The following BACH2 variants were observed in gnomAD, a reference collection of about 807,000 sequenced individuals.
BACH2 encodes BACH transcriptional regulator 2, also known as transcription regulator protein BACH2.
In BACH2, 5 loss-of-function variants were observed where a neutral mutation model predicts 61.8. That is an observed-to-expected ratio of 0.08 (90% CI 0.04 to 0.17). The LOEUF (loss-of-function observed/expected upper bound fraction) is 0.17, where lower values mean the gene tolerates loss of function less well. Ranked by LOEUF, BACH2 falls within the 10% of genes least tolerant of loss-of-function variation. BACH2 has a pLI of 1.00. For missense variants in BACH2, 824 were observed against 1,091.1 expected, an observed-to-expected ratio of 0.76 and a Z score of 3.45; for synonymous variants, 446 against 440.1, an observed-to-expected ratio of 1.01 and a Z score of -0.17.
chr6:90,265,122 A>G (rs1380086758), intron 2 of BACH2, among the ~76,000 whole-genome samples: 1 of 152,220 alleles, frequency 6.6e-6, no homozygotes, highest in Non-Finnish European at 1.5e-5. Flanking sequence ...TCCTTTAATT[A>G]TATCAGCCAT....
At chr6:90,059,280 A>C (rs1187175791) in intron 5 of BACH2, among the ~76,000 whole-genome samples, 32 of 152,394 alleles carry the variant, frequency 2.1e-4, no homozygotes, top group Middle Eastern at 3.4e-3. Context: ...ATTTACAAGA[A>C]AAAAACAAAC....
At chr6:90,266,830 A>C (rs1771348580) in intron 2 of BACH2, among the ~76,000 whole-genome samples, 1 of 152,152 alleles carries the variant, frequency 6.6e-6, no homozygotes, top group South Asian at 2.1e-4. Flanking sequence ...AACTGGATAG[A>C]GGTCCCAGTC....
At chr6:90,034,762 C>T (rs371245593) in intron 5 of BACH2, among the ~76,000 whole-genome samples, 1 of 152,160 alleles carries the variant, frequency 6.6e-6, no homozygotes, top group African/African-American at 2.4e-5. Context: ...TCTTTGAGCA[C>T]CAAAGATAAC....
intron 1 of BACH2, among the ~76,000 whole-genome samples, chr6:90,291,787 AT>A (rs1772187862): frequency 6.6e-6 from 1 of 152,130 alleles, no homozygotes; most frequent in South Asian, 2.1e-4. Context: ...TACAGAAGCG[AT>A]TTTCCGTCAT....
chr6:90,013,599 T>C (rs537884554), intron 5 of BACH2, among the ~76,000 whole-genome samples: 43 of 151,166 alleles, frequency 2.8e-4, no homozygotes, highest in Non-Finnish European at 4.4e-4. Flanking sequence ...CTCTGCCTCC[T>C]GGGTTCACGC....
intron 5 of BACH2, chr6:90,062,952 T>C: frequency 1.0e-6 from 1 of 984,886 alleles, no homozygotes; most frequent in Non-Finnish European, 1.2e-6. Context: ...ACTTGCGTTT[T>C]TCTTCTTTTA....
At chr6:90,132,855 C>T (rs1784123264) in intron 4 of BACH2, among the ~76,000 whole-genome samples, 1 of 152,172 alleles carries the variant, frequency 6.6e-6, no homozygotes, top group South Asian at 2.1e-4. Context: ...GAGCCCTGCA[C>T]TGTACCCACT....
At chr6:90,077,363 C>G (rs1781517526) in intron 5 of BACH2, among the ~76,000 whole-genome samples, 1 of 152,136 alleles carries the variant, frequency 6.6e-6, no homozygotes, top group Admixed American at 6.6e-5. Flanking sequence ...TTGAAAGTCA[C>G]CTAGAATGAT....
chr6:90,223,456 A>C (rs749452603), intron 3 of BACH2, among the ~76,000 whole-genome samples: 1 of 152,138 alleles, frequency 6.6e-6, no homozygotes, highest in Non-Finnish European at 1.5e-5. Flanking sequence ...GGGCTTTCAG[A>C]TAGTAAGGCT....
At chr6:90,249,881 AT>A (rs1417263778) in intron 3 of BACH2, among the ~76,000 whole-genome samples, 3 of 152,240 alleles carry the variant, frequency 2.0e-5, no homozygotes, top group Non-Finnish European at 2.9e-5. Context: ...ATCAGAATAG[AT>A]AACCCAAATG....
At chr6:90,030,129 T>C (rs918434245) in intron 5 of BACH2, among the ~76,000 whole-genome samples, 1 of 152,200 alleles carries the variant, frequency 6.6e-6, no homozygotes. Context: ...AAAGCTTGTG[T>C]GCTCTTGCTT....
chr6:90,216,108 C>T (rs144370344), intron 3 of BACH2, among the ~76,000 whole-genome samples: 57 of 152,320 alleles, frequency 3.7e-4, no homozygotes, highest in African/African-American at 1.3e-3. Flanking sequence ...CTGCGTTCTC[C>T]GACAGCAAGC....
chr6:90,054,018 G>A (rs9359880), intron 5 of BACH2, among the ~76,000 whole-genome samples: 45,721 of 152,118 alleles, frequency 0.3, 7,552 homozygotes, highest in East Asian at 0.68. Flanking sequence ...GAACAGCTCC[G>A]GTCTACAGCT....
At chr6:90,227,606 T>G (rs966142626) in intron 3 of BACH2, among the ~76,000 whole-genome samples, 1 of 152,172 alleles carries the variant, frequency 6.6e-6, no homozygotes, top group Non-Finnish European at 1.5e-5. Context: ...AGCAGCAAGA[T>G]GTAGACAGAC....
chr6:90,188,450 C>T (rs1457687425), intron 4 of BACH2, among the ~76,000 whole-genome samples: 1 of 151,646 alleles, frequency 6.6e-6, no homozygotes, highest in Non-Finnish European at 1.5e-5. Flanking sequence ...TGAGGGTGCT[C>T]ATTATTTGGT....
At position 90,011,974 on chromosome 6, in the gene BACH2, G is replaced by GTGTGTA. The variant is rs1422867546; in HGVS notation, c.-12-3119_-12-3118insTACACA. ...TGTGTGTGTGTGTGTGTGTGTGTGT[G>GTGTGTA]TATGAGTGATGAGGTCTCGCCATAT... On this transcript the variant is annotated intron_variant, in intron 5 of 8. Transcript: ENST00000257749. Among the ~76,000 whole-genome samples the GTGTGTA allele has an allele frequency of 6.7e-3, 990 of 147,750 alleles. 16 individuals are homozygous for GTGTGTA. The highest frequency in any genetic ancestry group is 0.024 in the African/African-American group (923 of 39,162).
At chr6:90,013,704 T>G (rs1166546770) in intron 5 of BACH2, among the ~76,000 whole-genome samples, 1 of 151,922 alleles carries the variant, frequency 6.6e-6, no homozygotes, top group Non-Finnish European at 1.5e-5. Context: ...GAGACAGGGT[T>G]TCACCATGTT....
At chr6:89,984,057 T>TAAGCCC (rs1776104790) in intron 6 of BACH2, among the ~76,000 whole-genome samples, 2 of 152,320 alleles carry the variant, frequency 1.3e-5, no homozygotes, top group African/African-American at 4.8e-5. Context: ...GAATAAAACC[T>TAAGCCC]AAGCCCTTCA....
At chr6:89,933,444 A>G (rs999924436) in intron 8 of BACH2, among the ~76,000 whole-genome samples, 1 of 152,182 alleles carries the variant, frequency 6.6e-6, no homozygotes, top group Non-Finnish European at 1.5e-5. Context: ...GTATGACACT[A>G]TACTGGTGGA....
Sources: allele counts gnomAD v4.1 joint callset (sites outside exome capture counted in the v4.1 genomes callset), GRCh38; gene constraint gnomAD v4.1.1; transcripts MANE v1.5; gene names NCBI Gene and HGNC (gene_info 2026-07-23, HGNC 2026-07-21).